SV2B: variants seen among roughly 807,000 people sequenced by gnomAD.
SV2B encodes synaptic vesicle glycoprotein 2B.
Under a neutral mutation model 73.9 loss-of-function variants are expected in SV2B, and 41 were observed. The observed-to-expected ratio is 0.56, with a 90% CI of 0.43 to 0.72. The LOEUF (loss-of-function observed/expected upper bound fraction) is 0.72, where lower values mean the gene tolerates loss of function less well. Among genes scored for constraint, SV2B ranks in the 30% least tolerant of loss-of-function variants. The probability of loss-of-function intolerance (pLI) is 0.00; values close to 1 mark genes in which losing one functional copy is unlikely to be tolerated. For missense variants in SV2B, 764 were observed against 857.8 expected, an observed-to-expected ratio of 0.89 and a Z score of 1.37; for synonymous variants, 314 against 314.2, an observed-to-expected ratio of 1.00 and a Z score of 0.01.
Position 91,234,546 on chromosome 15 carries a change from A to G in SV2B, c.451+7832A>G, listed in dbSNP as rs2214076. ...GTGGTACTGGCTAGTTCATTGTGGC[A>G]TTTTTAGAAATGAAATAAATAGGAG... On this transcript the variant is annotated intron_variant, in intron 2 of 12. Transcript: ENST00000394232. This position sits in a 1 kb window ranked among gnomAD's most constrained non-coding sequence, Gnocchi z 5.6. Among the ~76,000 whole-genome samples the G allele has an allele frequency of 0.37, 56,987 of 152,056 alleles. 14,762 individuals are homozygous for G. Among genetic ancestry groups the G allele is most frequent in the African/African-American group, 0.74 (30,668 of 41,464 alleles).
Position 91,233,932 on chromosome 15 carries a change from T to C in SV2B, c.451+7218T>C, listed in dbSNP as rs963308442. 2.0e-5 allele frequency among the ~76,000 whole-genome samples: 3 copies of C among 152,268 alleles called. No individual in the cohort carries two copies. The South Asian group carries it at 6.2e-4, about 32-fold the overall frequency. ...TGACTTGATTTTTCTGGAAAGTATA[T>C]GTAGGAATGGATATTAAGGGTGTGG... On this transcript the variant is annotated intron_variant, in intron 2 of 12. Transcript: ENST00000394232.
In SV2B at chr15:91,252,050, C is replaced by G; in HGVS notation, c.632+51C>G. On this transcript the variant is annotated intron_variant, in intron 3 of 12. Transcript: ENST00000394232. The surrounding 1 kb of genome is among the most constrained non-coding windows in gnomAD (Gnocchi z 4.6). ...GACCATCCCAGACCAATGGCCCATC[C>G]ATTCTGGTATTCTAGCTCCAAGAGG... 2 of 1,587,644 alleles carry G rather than the reference C, an allele frequency of 1.3e-6. No homozygotes were observed. Among genetic ancestry groups the G allele is most frequent in the South Asian group, 2.3e-5 (2 of 87,276 alleles).
At position 91,294,188 on chromosome 15, in the gene SV2B, G is replaced by A. The variant is rs2049141573; in HGVS notation, c.*1636G>A. 6.6e-6 allele frequency: 1 copy of A among 152,160 alleles called. No homozygotes were observed. The highest frequency in any genetic ancestry group is 2.1e-4 in the South Asian group (1 of 4,830). 9.4% of individuals were successfully genotyped at this position (152,160 alleles called of 1,614,324 possible). A position where few individuals can be genotyped will look rare whatever the true frequency, so the allele number is the denominator to read the frequency against. Reference sequence around the variant, plus strand: ...AAAAATTTAAAACAGAATAATAATGGCTATATCGAGTGTTTTCTCAGTATT... The same window carrying A: ...AAAAATTTAAAACAGAATAATAATGACTATATCGAGTGTTTTCTCAGTATT... On this transcript the variant is annotated 3_prime_UTR_variant, in exon 13 of 13. Coordinates refer to ENST00000394232, the MANE Select transcript of SV2B (RefSeq NM_001323032.3). This position sits in a 1 kb window ranked among gnomAD's most constrained non-coding sequence, Gnocchi z 4.1.
At chr15:91,164,880 G>A (rs565485400) in intron 1 of SV2B, among the ~76,000 whole-genome samples, 1 of 152,328 alleles carries the variant, frequency 6.6e-6, no homozygotes, top group Non-Finnish European at 1.5e-5. Flanking sequence ...TTATTTCCGT[G>A]ATTGGGATTG....
rs895253767 is a variant in SV2B at position 91,100,634 on chromosome 15, A to T, written c.-392+271A>T. Among the ~76,000 whole-genome samples the T allele has an allele frequency of 6.6e-6, 1 of 152,252 alleles. No homozygotes were observed. The highest frequency in any genetic ancestry group is 1.5e-5 in the Non-Finnish European group (1 of 68,042). ...AAACCCTGTTTGAACTATTAGCGCC[A>T]TAAGTAGTTTTGCAACTTATAAATG... On this transcript the variant is annotated intron_variant, in intron 1 of 12. Transcript: ENST00000394232. This position sits in a 1 kb window ranked among gnomAD's most constrained non-coding sequence, Gnocchi z 6.4.
chr15:91,107,873 G>A (rs1372234160), intron 1 of SV2B, among the ~76,000 whole-genome samples: 1 of 152,174 alleles, frequency 6.6e-6, no homozygotes, highest in Non-Finnish European at 1.5e-5. Context: ...AGTCCCCAAA[G>A]TGGTGGGATT....
chr15:91,299,599 T>G lies in SV2B; in HGVS notation c.*7047T>G, dbSNP rs2049371469. 1 of 152,174 alleles carries G rather than the reference T, an allele frequency of 6.6e-6. No individual in the cohort carries two copies. The highest frequency in any genetic ancestry group is 2.4e-5 in the African/African-American group (1 of 41,426). 9.4% of individuals were successfully genotyped at this position (152,174 alleles called of 1,614,324 possible). ...AATATATAGATGCTTACCAGTAGGT[T>G]TAATAGAAGATTTCTGAAAGGTAGC... On this transcript the variant is annotated 3_prime_UTR_variant, in exon 13 of 13. Coordinates refer to ENST00000394232, the MANE Select transcript of SV2B (RefSeq NM_001323032.3).
intron 1 of SV2B, among the ~76,000 whole-genome samples, chr15:91,179,434 T>G (rs1000616148): frequency 6.6e-6 from 1 of 152,182 alleles, no homozygotes; most frequent in Non-Finnish European, 1.5e-5. Flanking sequence ...CTGAGTTCAA[T>G]TCCTGGGTAT....
intron 1 of SV2B, among the ~76,000 whole-genome samples, chr15:91,144,888 A>AGAGAACT (rs1375298054): frequency 7.4e-6 from 1 of 134,674 alleles, no homozygotes; most frequent in Non-Finnish European, 1.6e-5. Context: ...GGTGTGATGA[A>AGAGAACT]GAGAACTGTT....
Position 91,158,483 on chromosome 15 carries a change from C to T in SV2B, c.-392+58120C>T, listed in dbSNP as rs561673349. On this transcript the variant is annotated intron_variant, in intron 1 of 12. Coordinates refer to ENST00000394232, the MANE Select transcript of SV2B (RefSeq NM_001323032.3). ...GATTAGAGGGGAACAATCCAGGAAG[C>T]GGAGTGACCAGTTAGGATGCTGTTG... Among the ~76,000 whole-genome samples, 8 of 151,652 alleles carry T rather than the reference C, an allele frequency of 5.3e-5. No individual in the cohort carries two copies. The South Asian group carries it at 1.0e-3, about 20-fold the overall frequency.
intron 2 of SV2B, among the ~76,000 whole-genome samples, chr15:91,249,107 C>T (rs887783633): frequency 7.5e-6 from 1 of 132,486 alleles, no homozygotes; most frequent in South Asian, 2.4e-4. Context: ...CACACACACA[C>T]ATGTTTATGA....
chr15:91,102,611 AGTGT>A (rs2041763414), intron 1 of SV2B, among the ~76,000 whole-genome samples: 1 of 152,186 alleles, frequency 6.6e-6, no homozygotes, highest in African/African-American at 2.4e-5. Context: ...TTAATGAGAG[AGTGT>A]GTGTATGTGT....
rs1019120377 is a variant in SV2B at position 91,137,305 on chromosome 15, A to C, written c.-392+36942A>C. Among the ~76,000 whole-genome samples the C allele has an allele frequency of 2.0e-5, 3 of 152,018 alleles. No homozygotes were observed. Among genetic ancestry groups the C allele is most frequent in the Admixed American group, 2.0e-4 (3 of 15,254 alleles). On this transcript the variant is annotated intron_variant, in intron 1 of 12. Transcript: ENST00000394232. This position sits in a 1 kb window ranked among gnomAD's most constrained non-coding sequence, Gnocchi z 4.9. The stretch of plus-strand genomic sequence containing the variant: ...GCCACCCTCATATTAGAGTCTACCC[A>C]CCTCCATTGTTTTAAAAATTGTGTG...
chr15:91,114,477 A>G lies in SV2B; in HGVS notation c.-392+14114A>G, dbSNP rs555682174. Among the ~76,000 whole-genome samples the G allele has an allele frequency of 2.6e-5, 4 of 152,298 alleles. No homozygotes were observed. In the East Asian group the frequency reaches 7.7e-4, roughly 30 times the overall value. On this transcript the variant is annotated intron_variant, in intron 1 of 12. Transcript: ENST00000394232. ...GTCGGAGTCATCCAGCCAAGGGATTAACTGCTTTAAACTCCAGGCCTCGCT... is the reference window on the plus strand; with the variant it reads ...GTCGGAGTCATCCAGCCAAGGGATTGACTGCTTTAAACTCCAGGCCTCGCT...
At chr15:91,104,384 T>C (rs1369798683) in intron 1 of SV2B, among the ~76,000 whole-genome samples, 5 of 152,208 alleles carry the variant, frequency 3.3e-5, no homozygotes, top group Admixed American at 6.5e-5. Flanking sequence ...GGCAGGAGGC[T>C]AAGAGAAAGT....
chr15:91,179,436 C>G (rs534714688), intron 1 of SV2B, among the ~76,000 whole-genome samples: 1 of 152,172 alleles, frequency 6.6e-6, no homozygotes, highest in East Asian at 1.9e-4. Context: ...GAGTTCAATT[C>G]CTGGGTATCC....
At chr15:91,160,389 C>G (rs1036122356) in intron 1 of SV2B, among the ~76,000 whole-genome samples, 20 of 152,174 alleles carry the variant, frequency 1.3e-4, no homozygotes, top group Non-Finnish European at 2.6e-4. Flanking sequence ...AGGCAGATCA[C>G]TTGAGGCCAG....
chr15:91,142,311 T>C (rs2043020350), intron 1 of SV2B, among the ~76,000 whole-genome samples: 1 of 152,198 alleles, frequency 6.6e-6, no homozygotes, highest in Admixed American at 6.5e-5. Flanking sequence ...TGCTAACTCA[T>C]GCTGTCTGGG....
Position 91,284,677 on chromosome 15 carries a change from G to A in SV2B, c.1708+456G>A, listed in dbSNP as rs532738510. ...AGAGTCATGTTGAAATCCTATCACC[G>A]AAAGGCTGTTTGACCTTGAATGTGT... On this transcript the variant is annotated intron_variant, in intron 11 of 12. Transcript: ENST00000394232. The surrounding 1 kb of genome is among the most constrained non-coding windows in gnomAD (Gnocchi z 4.5). Among the ~76,000 whole-genome samples the A allele has an allele frequency of 5.9e-5, 9 of 152,282 alleles. No individual in the cohort carries two copies. Among genetic ancestry groups the A allele is most frequent in the African/African-American group, 1.7e-4 (7 of 41,558 alleles).
Sources: allele counts gnomAD v4.1 joint callset (sites outside exome capture counted in the v4.1 genomes callset), GRCh38; gene constraint gnomAD v4.1.1; non-coding constraint Gnocchi (gnomAD v3.1); transcripts MANE v1.5; gene names NCBI Gene and HGNC (gene_info 2026-07-23, HGNC 2026-07-21).